Variants in FBXL17 observed in about 807,000 individuals in gnomAD.
The protein encoded by FBXL17 is F-box/LRR-repeat protein 17.
In FBXL17, 22 loss-of-function variants were observed where a neutral mutation model predicts 66.2. That is an observed-to-expected ratio of 0.33 (90% CI 0.24 to 0.47). The LOEUF is 0.47. FBXL17 is among the 20% of genes least tolerant of loss of function. FBXL17 has a pLI of 1.00. For synonymous variants in FBXL17, 474 were observed against 400.5 expected (o/e 1.18, Z -2.19); for missense variants, 878 against 948.2 (o/e 0.93, Z 0.97).
intron 4 of FBXL17, chr5:108,298,348 A>C (rs1758434785): frequency 1.0e-6 from 1 of 983,532 alleles, no homozygotes; most frequent in African/African-American, 1.7e-5. Context: ...TTTTGTATAA[A>C]ATCTGTGCAT....
At chr5:108,247,766 T>A (rs914584905) in intron 4 of FBXL17, among the ~76,000 whole-genome samples, 1 of 152,200 alleles carries the variant, frequency 6.6e-6, no homozygotes, top group Non-Finnish European at 1.5e-5. Context: ...TTTAGTGGTT[T>A]ACATCATTCA....
At chr5:108,319,574 A>T (rs1354770954) in intron 4 of FBXL17, among the ~76,000 whole-genome samples, 1 of 151,862 alleles carries the variant, frequency 6.6e-6, no homozygotes, top group Non-Finnish European at 1.5e-5. Flanking sequence ...TAATTTAAAA[A>T]TTTTATTTTT....
chr5:107,916,879 TACTC>T (rs1235159587), intron 7 of FBXL17, among the ~76,000 whole-genome samples: 2 of 152,198 alleles, frequency 1.3e-5, no homozygotes, highest in Non-Finnish European at 2.9e-5. Context: ...GAATTAAAAA[TACTC>T]AGAAGTAGAA....
chr5:108,100,665 A>G (rs1158872229), intron 6 of FBXL17, among the ~76,000 whole-genome samples: 1 of 152,152 alleles, frequency 6.6e-6, no homozygotes, highest in Non-Finnish European at 1.5e-5. Context: ...TATCAACAGC[A>G]TATGTTTCTA....
intron 4 of FBXL17, among the ~76,000 whole-genome samples, chr5:108,227,555 C>T (rs971887221): frequency 6.6e-6 from 1 of 152,212 alleles, no homozygotes; most frequent in South Asian, 2.1e-4. Flanking sequence ...ATCTCTTTGG[C>T]ATTAGCTTTA....
intron 7 of FBXL17, among the ~76,000 whole-genome samples, chr5:107,924,534 G>A (rs1318306892): frequency 6.6e-6 from 1 of 152,200 alleles, no homozygotes; most frequent in Admixed American, 6.5e-5. Flanking sequence ...GGTCAGGCCA[G>A]TACTAATCCT....
At chr5:108,361,353 G>A (rs374214903) in intron 3 of FBXL17, among the ~76,000 whole-genome samples, 5 of 152,180 alleles carry the variant, frequency 3.3e-5, no homozygotes, top group South Asian at 2.1e-4. Flanking sequence ...AAAAACAAAA[G>A]CACTTATTCA....
At chr5:108,174,781 C>T (rs1434428883) in intron 6 of FBXL17, among the ~76,000 whole-genome samples, 1 of 141,574 alleles carries the variant, frequency 7.1e-6, no homozygotes, top group Non-Finnish European at 1.5e-5. Context: ...CTGCAACTGT[C>T]TCCTCAGCCT....
intron 4 of FBXL17, among the ~76,000 whole-genome samples, chr5:108,247,541 A>C (rs1756158105): frequency 6.6e-6 from 1 of 152,132 alleles, no homozygotes. Flanking sequence ...TCATTCTCCT[A>C]AAAATGTAAG....
chr5:108,310,197 T>C (rs114906965), intron 4 of FBXL17, among the ~76,000 whole-genome samples: 1,678 of 152,216 alleles, frequency 0.011, 46 homozygotes, highest in African/African-American at 0.038. Context: ...AATTTGGAGC[T>C]CTCACAAAAC....
In FBXL17 at chr5:107,861,622, G is replaced by T; in HGVS notation, c.*98C>A. 1 of 1,145,648 alleles carries T rather than the reference G, an allele frequency of 8.7e-7. No individual in the cohort carries two copies. The highest frequency in any genetic ancestry group is 1.2e-6 in the Non-Finnish European group (1 of 864,456). The allele number at this position is 1,145,648 out of a possible 1,614,324, so 71.0% of individuals were successfully genotyped here. On this transcript the variant is annotated 3_prime_UTR_variant, in exon 9 of 9. Transcript: ENST00000542267. ...ACACATACTTGAACACACACAGACA[G>T]GTGACAGTTAAAACCCTTCCGAGAG... is the stretch of plus-strand genomic sequence containing the variant.
chr5:108,270,814 G>A (rs1231605848), intron 4 of FBXL17, among the ~76,000 whole-genome samples: 1 of 152,120 alleles, frequency 6.6e-6, no homozygotes, highest in Non-Finnish European at 1.5e-5. Flanking sequence ...TAATTGAAGA[G>A]TTGACAGTTT....
At chr5:107,960,331 T>C (rs1278169035) in intron 7 of FBXL17, among the ~76,000 whole-genome samples, 1 of 152,140 alleles carries the variant, frequency 6.6e-6, no homozygotes, top group Non-Finnish European at 1.5e-5. Context: ...CATTGGAAAT[T>C]TACTCTCTTA....
chr5:108,158,822 T>C lies in FBXL17; in HGVS notation c.1745+27295A>G, dbSNP rs115234123. 5.7e-3 allele frequency among the ~76,000 whole-genome samples: 874 copies of C among 152,282 alleles called. 2 individuals carry two copies. Among genetic ancestry groups the C allele is most frequent in the Non-Finnish European group, 0.011 (723 of 68,008 alleles). ...GTAGGAAGTTTAAGGTAATCAACCATGAAATATTCAGATTAGGGAATTTAA... is the reference window on the plus strand; with the variant it reads ...GTAGGAAGTTTAAGGTAATCAACCACGAAATATTCAGATTAGGGAATTTAA... On this transcript the variant is annotated intron_variant, in intron 6 of 8. Coordinates refer to ENST00000542267, the MANE Select transcript of FBXL17 (RefSeq NM_001163315.3).
intron 3 of FBXL17, among the ~76,000 whole-genome samples, chr5:108,355,049 A>C (rs79232605): frequency 0.022 from 3,292 of 152,172 alleles, 125 homozygotes; most frequent in African/African-American, 0.075. Flanking sequence ...GGAAAATGAC[A>C]CAGGTCAAAA....
intron 6 of FBXL17, among the ~76,000 whole-genome samples, chr5:108,160,823 C>G (rs1291807143): frequency 6.6e-6 from 1 of 152,040 alleles, no homozygotes; most frequent in Non-Finnish European, 1.5e-5. Flanking sequence ...CTTTTTTGGG[C>G]CCACATAATT....
chr5:108,311,600 C>A (rs1421068413), intron 4 of FBXL17, among the ~76,000 whole-genome samples: 1 of 152,152 alleles, frequency 6.6e-6, no homozygotes, highest in African/African-American at 2.4e-5. Flanking sequence ...AGATCCACCA[C>A]TGGTATCTCT....
chr5:108,338,388 C>G (rs1746653505), intron 4 of FBXL17, among the ~76,000 whole-genome samples: 1 of 151,972 alleles, frequency 6.6e-6, no homozygotes, highest in Admixed American at 6.6e-5. Flanking sequence ...CTTTGTATTA[C>G]AGAGTCTCAA....
chr5:107,943,978 G>T (rs1417799006), intron 7 of FBXL17, among the ~76,000 whole-genome samples: 2 of 152,148 alleles, frequency 1.3e-5, no homozygotes, highest in African/African-American at 4.8e-5. Context: ...GATCTTGAAG[G>T]TGCCTTGTAC....
Sources: gnomAD v4.1 joint callset for allele counts (sites outside exome capture counted in the v4.1 genomes callset) on GRCh38, gnomAD v4.1.1 for gene constraint, MANE v1.5 for transcripts, NCBI Gene and HGNC (gene_info 2026-07-23, HGNC 2026-07-21) for gene names.